Variants in BACH2 observed in about 807,000 individuals in gnomAD.
BACH2 encodes BACH transcriptional regulator 2, also known as transcription regulator protein BACH2.
Under a neutral mutation model 61.8 loss-of-function variants are expected in BACH2, and 5 were observed. The observed-to-expected ratio is 0.08, with a 90% CI of 0.04 to 0.17. The LOEUF is 0.17. BACH2 is among the 10% of genes least tolerant of loss of function. The pLI, the probability that BACH2 is intolerant of heterozygous loss-of-function variation, is 1.00. For synonymous variants in BACH2, 446 were observed against 440.1 expected, an observed-to-expected ratio of 1.01 and a Z score of -0.17; for missense variants, 824 against 1,091.1, an observed-to-expected ratio of 0.76 and a Z score of 3.45.
chr6:90,295,365 C>T (rs1772309962), intron 1 of BACH2, among the ~76,000 whole-genome samples: 1 of 152,236 alleles, frequency 6.6e-6, no homozygotes, highest in Non-Finnish European at 1.5e-5. Flanking sequence ...TTCACACACT[C>T]ACTCCCGGCC....
At chr6:89,934,605 G>A (rs1772893866) in intron 8 of BACH2, among the ~76,000 whole-genome samples, 1 of 152,108 alleles carries the variant, frequency 6.6e-6, no homozygotes, top group African/African-American at 2.4e-5. Context: ...GTTGCAGTGA[G>A]CCGAGATTGC....
At chr6:90,295,577 G>A (rs923404768) in intron 1 of BACH2, among the ~76,000 whole-genome samples, 2 of 152,152 alleles carry the variant, frequency 1.3e-5, no homozygotes, top group Non-Finnish European at 2.9e-5. Flanking sequence ...CCTCGACGCG[G>A]GGACGGGGAG....
intron 4 of BACH2, among the ~76,000 whole-genome samples, chr6:90,166,005 A>C (rs1767598930): frequency 6.6e-6 from 1 of 152,158 alleles, no homozygotes; most frequent in Non-Finnish European, 1.5e-5. Flanking sequence ...ATGGGCAAGG[A>C]CTTCATGTCT....
chr6:90,288,609 T>G (rs542964144), intron 1 of BACH2, among the ~76,000 whole-genome samples: 6 of 152,252 alleles, frequency 3.9e-5, no homozygotes, highest in South Asian at 2.1e-4. Context: ...CCATACCAAC[T>G]GCCTGAGTCC....
At chr6:89,996,013 C>T (rs1344598968) in intron 6 of BACH2, among the ~76,000 whole-genome samples, 1 of 152,226 alleles carries the variant, frequency 6.6e-6, no homozygotes, top group African/African-American at 2.4e-5. Context: ...AGCTCAATCT[C>T]AGCCCCTGCC....
Position 90,184,572 on chromosome 6 carries a change from G to C in BACH2, c.-162+21997C>G, listed in dbSNP as rs76853461. On this transcript the variant is annotated intron_variant, in intron 4 of 8. Transcript: ENST00000257749. ...ACAGAAGTGGTAAGAAGACAAGCAG[G>C]CTCCCGGGGGAAGTGGAGGACCATA... Among the ~76,000 whole-genome samples the C allele has an allele frequency of 6.8e-3, 1,039 of 152,294 alleles. 14 individuals are homozygous for C. The highest frequency in any genetic ancestry group is 0.023 in the African/African-American group (976 of 41,550).
chr6:90,240,878 A>G (rs1331598218), intron 3 of BACH2, among the ~76,000 whole-genome samples: 2 of 152,160 alleles, frequency 1.3e-5, no homozygotes, highest in Non-Finnish European at 2.9e-5. Flanking sequence ...ATTAAATATA[A>G]TACTAAATAT....
At chr6:89,935,316 C>T (rs1772953584) in intron 8 of BACH2, among the ~76,000 whole-genome samples, 2 of 152,174 alleles carry the variant, frequency 1.3e-5, no homozygotes, top group African/African-American at 4.8e-5. Flanking sequence ...GGAGCTCTCC[C>T]CTTTTAGTAC....
chr6:90,077,301 AAT>A (rs1781515059), intron 5 of BACH2, among the ~76,000 whole-genome samples: 1 of 152,138 alleles, frequency 6.6e-6, no homozygotes, highest in Non-Finnish European at 1.5e-5. Context: ...GATAATGGGG[AAT>A]ATATGAGTGT....
chr6:90,110,130 C>G (rs1251379595), intron 4 of BACH2, among the ~76,000 whole-genome samples: 1 of 152,104 alleles, frequency 6.6e-6, no homozygotes, highest in African/African-American at 2.4e-5. Flanking sequence ...CAATATGTTG[C>G]TCTATGGTGT....
chr6:90,225,712 A>G (rs938460990), intron 3 of BACH2, among the ~76,000 whole-genome samples: 5 of 152,222 alleles, frequency 3.3e-5, no homozygotes, highest in East Asian at 1.9e-4. Context: ...CCACCATGCC[A>G]CACATTTACC....
chr6:90,066,923 C>G (rs541234063), intron 5 of BACH2, among the ~76,000 whole-genome samples: 1 of 152,296 alleles, frequency 6.6e-6, no homozygotes, highest in Admixed American at 6.5e-5. Flanking sequence ...ACCATGAACA[C>G]CACTGATGAT....
chr6:90,139,738 T>C (rs1321762430), intron 4 of BACH2, among the ~76,000 whole-genome samples: 5 of 152,198 alleles, frequency 3.3e-5, no homozygotes, highest in Admixed American at 3.3e-4. Context: ...CCAGTTGTAC[T>C]TCCACACAGG....
chr6:90,016,715 G>A (rs1312712295), intron 5 of BACH2, among the ~76,000 whole-genome samples: 1 of 152,052 alleles, frequency 6.6e-6, no homozygotes, highest in African/African-American at 2.4e-5. Flanking sequence ...AGGTATACTA[G>A]TGATAAATTA....
Position 89,930,156 on chromosome 6 carries a change from CACACACACAA to C in BACH2, c.*2242_*2251del, listed in dbSNP as rs1160536885. 2 of 143,168 alleles carry C rather than the reference CACACACACAA, an allele frequency of 1.4e-5. No individual in the cohort carries two copies. The highest frequency in any genetic ancestry group is 3.1e-5 in the Non-Finnish European group (2 of 64,478). 8.9% of individuals were successfully genotyped at this position (143,168 alleles called of 1,614,324 possible). On this transcript the variant is annotated 3_prime_UTR_variant, in exon 9 of 9. Coordinates refer to ENST00000257749, the MANE Select transcript of BACH2 (RefSeq NM_021813.4). ...ACACACACACACACACACACACACA[CACACACACAA>C]ACAAGAAAAAACAAAAACCCAGAGG...
intron 4 of BACH2, among the ~76,000 whole-genome samples, chr6:90,102,839 T>C (rs145820033): frequency 8.2e-6 from 1 of 122,218 alleles, no homozygotes; most frequent in South Asian, 3.0e-4. Flanking sequence ...ATAATAATAA[T>C]AAAAATAAAA....
intron 5 of BACH2, among the ~76,000 whole-genome samples, chr6:90,062,334 A>G (rs898322765): frequency 6.6e-6 from 1 of 152,222 alleles, no homozygotes; most frequent in East Asian, 1.9e-4. Context: ...GGTAGAAGCT[A>G]AAGAATATAT....
intron 5 of BACH2, among the ~76,000 whole-genome samples, chr6:90,086,211 C>T (rs900433498): frequency 6.6e-6 from 1 of 152,160 alleles, no homozygotes; most frequent in Non-Finnish European, 1.5e-5. Flanking sequence ...ATATACACCA[C>T]ATTTTGTTTA....
At chr6:90,208,948 CAAG>C (rs941772012) in intron 3 of BACH2, among the ~76,000 whole-genome samples, 1 of 148,636 alleles carries the variant, frequency 6.7e-6, no homozygotes, top group Non-Finnish European at 1.5e-5. Flanking sequence ...CAAAGTAACA[CAAG>C]AAGGGAAAAC....
Sources: allele counts gnomAD v4.1 joint callset (sites outside exome capture counted in the v4.1 genomes callset), GRCh38; gene constraint gnomAD v4.1.1; transcripts MANE v1.5; gene names NCBI Gene and HGNC (gene_info 2026-07-23, HGNC 2026-07-21).